PRKCB: variants seen among roughly 807,000 people sequenced by gnomAD.
The protein encoded by PRKCB is protein kinase C beta type.
In PRKCB, 13 loss-of-function variants were observed where a neutral mutation model predicts 81.5. The ratio of observed to expected loss-of-function variants is 0.16; its 90% CI spans 0.10 to 0.25. PRKCB has a LOEUF of 0.25. Among genes scored for constraint, PRKCB ranks in the 10% least tolerant of loss-of-function variants. The probability of loss-of-function intolerance (pLI) is 1.00; values close to 1 mark genes in which losing one functional copy is unlikely to be tolerated. For missense variants in PRKCB, 509 were observed against 875.7 expected (o/e 0.58, Z 5.29); for synonymous variants, 335 against 321.4 (o/e 1.04, Z -0.45).
intron 2 of PRKCB, among the ~76,000 whole-genome samples, chr16:23,960,516 A>AT (rs1403349896): frequency 1.3e-5 from 2 of 151,504 alleles, no homozygotes; most frequent in Non-Finnish European, 2.9e-5. Flanking sequence ...GGATGTGCAG[A>AT]TTTGTTACAT....
chr16:23,872,886 C>T (rs1296301796), intron 2 of PRKCB, among the ~76,000 whole-genome samples: 5 of 151,724 alleles, frequency 3.3e-5, no homozygotes, highest in East Asian at 3.9e-4. Context: ...GTTAGAAAAA[C>T]GGAAGACTTG....
intron 2 of PRKCB, among the ~76,000 whole-genome samples, chr16:23,910,634 C>T (rs1271993377): frequency 6.6e-6 from 1 of 151,624 alleles, no homozygotes; most frequent in African/African-American, 2.4e-5. Context: ...TTTTTAATCC[C>T]ATTTAAAAAT....
At chr16:24,083,288 C>T (rs1567368349) in intron 5 of PRKCB, among the ~76,000 whole-genome samples, 1 of 152,148 alleles carries the variant, frequency 6.6e-6, no homozygotes, top group South Asian at 2.1e-4. Context: ...AGTGTGGCAG[C>T]TTCTTATAAA....
rs553337435 is a variant in PRKCB, at chr16:24,058,818, A to G, written c.529+23271A>G. ...GTGGTAATGACCTGATCTAGTTACCATGGGTGACAATTAAAAAGAAGGATT... is the reference window on the plus strand; with the variant it reads ...GTGGTAATGACCTGATCTAGTTACCGTGGGTGACAATTAAAAAGAAGGATT... On this transcript the variant is annotated intron_variant, in intron 5 of 16. Transcript: ENST00000643927. Among the ~76,000 whole-genome samples the G allele has an allele frequency of 2.0e-5, 3 of 152,338 alleles. No individual in the cohort carries two copies. The South Asian group carries it at 6.2e-4, about 32-fold the overall frequency.
intron 3 of PRKCB, among the ~76,000 whole-genome samples, chr16:24,018,056 G>A (rs539260006): frequency 1.3e-5 from 2 of 151,866 alleles, no homozygotes; most frequent in South Asian, 2.1e-4. Flanking sequence ...CCGCCACCAC[G>A]CCCAGCTAAT....
intron 7 of PRKCB, among the ~76,000 whole-genome samples, chr16:24,103,759 C>T (rs1966540025): frequency 6.6e-6 from 1 of 152,110 alleles, no homozygotes; most frequent in Non-Finnish European, 1.5e-5. Context: ...ATCTTTATGT[C>T]CATGAGTGTA....
At chr16:23,996,327 A>T (rs1310828563) in intron 3 of PRKCB, among the ~76,000 whole-genome samples, 1 of 152,194 alleles carries the variant, frequency 6.6e-6, no homozygotes, top group African/African-American at 2.4e-5. Flanking sequence ...TGGGCTCATG[A>T]ACAAAGTGGC....
chr16:23,854,555 T>C (rs190715781), intron 2 of PRKCB, among the ~76,000 whole-genome samples: 1 of 152,216 alleles, frequency 6.6e-6, no homozygotes, highest in East Asian at 1.9e-4. Context: ...CAGTGGGCTA[T>C]CCTGAGCATG....
intron 12 of PRKCB, 44 bp downstream of exon 12, chr16:24,174,624 G>C (rs766743776): frequency 1.2e-5 from 18 of 1,513,514 alleles, no homozygotes; most frequent in Admixed American, 1.7e-5. Context: ...ATCTCCCTCA[G>C]CTCCTCCCTG....
intron 2 of PRKCB, among the ~76,000 whole-genome samples, chr16:23,966,714 T>A (rs1964491685): frequency 6.6e-6 from 1 of 152,156 alleles, no homozygotes. Flanking sequence ...TGGATTTCTG[T>A]GAACTAGAGA....
intron 9 of PRKCB, among the ~76,000 whole-genome samples, chr16:24,127,692 A>T (rs1374511780): frequency 6.6e-6 from 1 of 152,184 alleles, no homozygotes; most frequent in African/African-American, 2.4e-5. Flanking sequence ...AGAATAGATC[A>T]TATGTCTCCA....
At chr16:23,879,778 G>A (rs1282730612) in intron 2 of PRKCB, among the ~76,000 whole-genome samples, 1 of 152,182 alleles carries the variant, frequency 6.6e-6, no homozygotes, top group Non-Finnish European at 1.5e-5. Flanking sequence ...ATAGGCGTGA[G>A]CCACTGAGCC....
chr16:23,879,107 C>T (rs550335439), intron 2 of PRKCB, among the ~76,000 whole-genome samples: 1 of 151,758 alleles, frequency 6.6e-6, no homozygotes, highest in Non-Finnish European at 1.5e-5. Flanking sequence ...GAACTTGGGA[C>T]GCGGAGGTTG....
chr16:23,995,311 G>A lies in PRKCB; in HGVS notation c.288+6721G>A, dbSNP rs535605826. Among the ~76,000 whole-genome samples the A allele has an allele frequency of 2.0e-5, 3 of 152,336 alleles. No individual in the cohort carries two copies. In the South Asian group the frequency reaches 6.2e-4, roughly 32 times the overall value. On this transcript the variant is annotated intron_variant, in intron 3 of 16. Coordinates refer to ENST00000643927, the MANE Select transcript of PRKCB (RefSeq NM_002738.7). ...CAGAACAGTAGAAGGCTCTGCAACA[G>A]GTCCAGACTGCTGTGCAAGCTGCTT...
intron 3 of PRKCB, among the ~76,000 whole-genome samples, chr16:24,002,989 C>T (rs1302238708): frequency 3.9e-5 from 6 of 151,966 alleles, no homozygotes; most frequent in African/African-American, 1.5e-4. Context: ...AGACCCTCCC[C>T]GAGTCAGTCA....
rs78911553 is a variant in PRKCB, at chr16:23,900,678, C to T, written c.205+63272C>T. On this transcript the variant is annotated intron_variant, in intron 2 of 16. Coordinates refer to ENST00000643927, the MANE Select transcript of PRKCB (RefSeq NM_002738.7). ...TATCTTAGAGATATTTTCATATCAG[C>T]GCATATAGAGCAGCCTCATTCATTT... Among the ~76,000 whole-genome samples the T allele has an allele frequency of 6.5e-3, 910 of 139,640 alleles. 16 individuals carry two copies. The highest frequency in any genetic ancestry group is 0.023 in the African/African-American group (866 of 36,940). The allele number at this position is 139,640 out of a possible 152,430, so 91.6% of individuals were successfully genotyped here.
At chr16:23,837,344 G>T in intron 1 of PRKCB, 31 bp from the exon 2 acceptor site, 1 of 1,613,310 alleles carries the variant, frequency 6.2e-7, no homozygotes, top group Non-Finnish European at 8.5e-7. Context: ...CCCCCGGGCT[G>T]CCTGACATAC....
chr16:24,175,603 T>C (rs974541590), intron 12 of PRKCB, among the ~76,000 whole-genome samples: 2 of 151,850 alleles, frequency 1.3e-5, no homozygotes, highest in Non-Finnish European at 2.9e-5. Flanking sequence ...GAGAGCATGA[T>C]GATGAGGGCC....
intron 2 of PRKCB, among the ~76,000 whole-genome samples, chr16:23,936,242 G>A (rs1357628265): frequency 6.6e-6 from 1 of 151,168 alleles, no homozygotes; most frequent in East Asian, 1.9e-4. Flanking sequence ...CCAGCATGGT[G>A]TAATGACTGG....
Sources: allele counts gnomAD v4.1 joint callset (sites outside exome capture counted in the v4.1 genomes callset), GRCh38; gene constraint gnomAD v4.1.1; transcripts MANE v1.5; gene names NCBI Gene and HGNC (gene_info 2026-07-23, HGNC 2026-07-21).